Variants in UBE2E3 observed in about 807,000 individuals in gnomAD.
The protein encoded by UBE2E3 is ubiquitin conjugating enzyme E2 E3.
A neutral mutation model predicts 23.6 loss-of-function variants in UBE2E3; 5 were observed. The ratio of observed to expected loss-of-function variants is 0.21; its 90% CI spans 0.11 to 0.44. The LOEUF (loss-of-function observed/expected upper bound fraction) is 0.44, where lower values mean the gene tolerates loss of function less well. UBE2E3 is among the 20% of genes least tolerant of loss of function. The probability of loss-of-function intolerance (pLI) is 0.99; values close to 1 mark genes in which losing one functional copy is unlikely to be tolerated. For synonymous variants in UBE2E3, 78 were observed against 87.5 expected (o/e 0.89, Z 0.60); for missense variants, 81 against 249.8 (o/e 0.32, Z 4.55).
In UBE2E3 at chr2:181,023,676, C is replaced by A. The variant is rs73974710; in HGVS notation, c.246-34017C>A. Among the ~76,000 whole-genome samples the A allele has an allele frequency of 8.6e-4, 131 of 152,208 alleles. 1 individual carries two copies. Among genetic ancestry groups the A allele is most frequent in the African/African-American group, 2.9e-3 (120 of 41,546 alleles). On this transcript the variant is annotated intron_variant, in intron 3 of 5. Transcript: ENST00000410062. ...TAAAAATTGGGGGCATCCAATATAG[C>A]AAAGGGGTTGAGAGCATGGACTCTA...
intron 3 of UBE2E3, among the ~76,000 whole-genome samples, chr2:181,033,525 T>G (rs1400702614): frequency 2.0e-5 from 3 of 151,914 alleles, no homozygotes; most frequent in African/African-American, 4.8e-5. Context: ...ATACAAAAAT[T>G]AATTCAAGAT....
intron 1 of UBE2E3, 187 bp downstream of exon 1, chr2:180,981,160 C>T (rs1684276596): frequency 6.7e-6 from 1 of 148,488 alleles, no homozygotes; most frequent in African/African-American, 2.4e-5. Flanking sequence ...CTACCCGCGG[C>T]CCCCGCGCGG....
At chr2:181,004,930 G>A (rs902942139) in intron 3 of UBE2E3, among the ~76,000 whole-genome samples, 8 of 152,168 alleles carry the variant, frequency 5.3e-5, no homozygotes, top group African/African-American at 1.9e-4. Flanking sequence ...TATTTTGGAA[G>A]GATTTTAAGT....
chr2:180,985,445 T>C (rs553284486), intron 3 of UBE2E3, among the ~76,000 whole-genome samples: 1 of 152,188 alleles, frequency 6.6e-6, no homozygotes, highest in African/African-American at 2.4e-5. Context: ...TTCATTAATA[T>C]TAAAATAATA....
At chr2:181,034,202 A>T (rs1686185565) in intron 3 of UBE2E3, among the ~76,000 whole-genome samples, 1 of 152,260 alleles carries the variant, frequency 6.6e-6, no homozygotes, top group South Asian at 2.1e-4. Flanking sequence ...ATTATAAATC[A>T]TGCTGCTATA....
chr2:181,027,015 A>G (rs1685912977), intron 3 of UBE2E3, among the ~76,000 whole-genome samples: 3 of 151,958 alleles, frequency 2.0e-5, no homozygotes, highest in Admixed American at 2.0e-4. Flanking sequence ...TATTAGTAAA[A>G]AAATTTGTGC....
intron 3 of UBE2E3, among the ~76,000 whole-genome samples, chr2:181,045,136 A>G (rs1189742254): frequency 6.6e-6 from 1 of 152,186 alleles, no homozygotes; most frequent in Non-Finnish European, 1.5e-5. Flanking sequence ...GTCATAATCT[A>G]CTTTTTAAAG....
intron 4 of UBE2E3, among the ~76,000 whole-genome samples, chr2:181,059,787 A>G (rs1472359292): frequency 6.6e-6 from 1 of 151,248 alleles, no homozygotes; most frequent in Non-Finnish European, 1.5e-5. Context: ...TTGGTCCCCT[A>G]CCCCCTCCCT....
rs1421425134 is a variant in UBE2E3 at position 180,980,830 on chromosome 2, C to G, written c.-169C>G. 2.7e-5 allele frequency: 4 copies of G among 149,586 alleles called. No homozygotes were observed. Among genetic ancestry groups the G allele is most frequent in the Admixed American group, 6.6e-5 (1 of 15,062 alleles). The allele number at this position is 149,586 out of a possible 1,614,324, so 9.3% of individuals were successfully genotyped here. The stretch of plus-strand genomic sequence containing the variant: ...CCGACTTTCAATGTTCCACACTCCC[C>G]GGCCAGAGCCTCCTCGGCTTCTTTT... On this transcript the variant is annotated 5_prime_UTR_variant, in exon 1 of 6. Coordinates refer to ENST00000410062, the MANE Select transcript of UBE2E3 (RefSeq NM_006357.4). This position sits in a 1 kb window ranked among gnomAD's most constrained non-coding sequence, Gnocchi z 5.5.
intron 3 of UBE2E3, among the ~76,000 whole-genome samples, chr2:181,038,732 A>T (rs1010365490): frequency 6.6e-6 from 1 of 152,230 alleles, no homozygotes; most frequent in Non-Finnish European, 1.5e-5. Context: ...CTTAACATAC[A>T]AGTCTTATAT....
chr2:181,026,514 ATTT>A (rs776158592), intron 3 of UBE2E3, among the ~76,000 whole-genome samples: 6 of 138,978 alleles, frequency 4.3e-5, no homozygotes, highest in African/African-American at 1.6e-4. Context: ...TCTTTCAACT[ATTT>A]TTTTTTTTTT....
intron 3 of UBE2E3, among the ~76,000 whole-genome samples, chr2:181,006,873 T>C (rs1361725147): frequency 1.3e-5 from 2 of 152,206 alleles, no homozygotes; most frequent in African/African-American, 4.8e-5. Flanking sequence ...AGTAAGATAC[T>C]ACTAAAATTA....
At chr2:180,988,877 G>C (rs1266152475) in intron 3 of UBE2E3, among the ~76,000 whole-genome samples, 2 of 151,860 alleles carry the variant, frequency 1.3e-5, no homozygotes, top group African/African-American at 4.8e-5. Context: ...TATCTCATTA[G>C]TTATCTAGTC....
intron 3 of UBE2E3, among the ~76,000 whole-genome samples, chr2:181,050,151 T>G (rs570307049): frequency 6.6e-6 from 1 of 152,018 alleles, no homozygotes; most frequent in Non-Finnish European, 1.5e-5. Context: ...AGGAAAAGAA[T>G]CCACTTCTTT....
At chr2:181,037,556 TAAA>T (rs1686336049) in intron 3 of UBE2E3, among the ~76,000 whole-genome samples, 1 of 152,070 alleles carries the variant, frequency 6.6e-6, no homozygotes, top group Non-Finnish European at 1.5e-5. Context: ...CTTTTAAAAA[TAAA>T]AAAGCTTATA....
At chr2:181,043,476 G>A (rs1187330861) in intron 3 of UBE2E3, among the ~76,000 whole-genome samples, 1 of 152,100 alleles carries the variant, frequency 6.6e-6, no homozygotes, top group African/African-American at 2.4e-5. Flanking sequence ...AAACATAAAT[G>A]AGTTTTGTGT....
At chr2:181,057,599 A>T in intron 3 of UBE2E3, 94 bp from the exon 4 acceptor site, 1 of 1,036,060 alleles carries the variant, frequency 9.7e-7, no homozygotes, top group Non-Finnish European at 1.4e-6. Flanking sequence ...ATTGCTCTAG[A>T]TTGCTAATTT....
At chr2:181,040,351 A>G (rs1023634477) in intron 3 of UBE2E3, among the ~76,000 whole-genome samples, 13 of 152,212 alleles carry the variant, frequency 8.5e-5, no homozygotes, top group African/African-American at 3.1e-4. Context: ...AATAAATTCA[A>G]TTAGATGTCA....
intron 3 of UBE2E3, among the ~76,000 whole-genome samples, chr2:181,033,281 ACTACAAGG>A (rs1686145823): frequency 6.6e-6 from 1 of 152,188 alleles, no homozygotes; most frequent in Admixed American, 6.5e-5. Context: ...TTCAAACTAT[ACTACAAGG>A]CTACAGTAAC....
Sources: gnomAD v4.1 joint callset for allele counts (sites outside exome capture counted in the v4.1 genomes callset) on GRCh38, gnomAD v4.1.1 for gene constraint, Gnocchi (gnomAD v3.1) non-coding constraint, MANE v1.5 for transcripts, NCBI Gene and HGNC (gene_info 2026-07-23, HGNC 2026-07-21) for gene names.